FAM53B: variants seen among roughly 807,000 people sequenced by gnomAD.
The protein encoded by FAM53B is family with sequence similarity 53 member B.
In FAM53B, 12 loss-of-function variants were observed where a neutral mutation model predicts 32.7. That is an observed-to-expected ratio of 0.37 (90% confidence interval 0.24 to 0.59). FAM53B has a LOEUF of 0.59. Among genes scored for constraint, FAM53B ranks in the 20% least tolerant of loss-of-function variants. The pLI, the probability that FAM53B is intolerant of heterozygous loss-of-function variation, is 0.72. For missense variants in FAM53B, 477 were observed against 577.7 expected (o/e 0.83, Z 1.79); for synonymous variants, 234 against 228.7 (o/e 1.02, Z -0.21).
intron 1 of FAM53B, among the ~76,000 whole-genome samples, chr10:124,724,424 C>T (rs1337886059): frequency 6.6e-6 from 1 of 152,186 alleles, no homozygotes; most frequent in Non-Finnish European, 1.5e-5. Context: ...GAGCTCTGCG[C>T]ACCGGACAGC....
At position 124,623,458 on chromosome 10, in the gene FAM53B, A is replaced by G; in HGVS notation, c.1053T>C (p.Ala351=). 1.9e-6 allele frequency: 3 copies of G among 1,589,514 alleles called. No individual in the cohort carries two copies. The highest frequency in any genetic ancestry group is 2.6e-6 in the Non-Finnish European group (3 of 1,169,072). The change falls in exon 5 of 5, where the codon GCT becomes GCC. Residue 351 remains alanine (A), a synonymous_variant. Coordinates refer to ENST00000337318, the MANE Select transcript of FAM53B (RefSeq NM_014661.4). Reference sequence around the variant, plus strand: ...GAAGAGGCTCAGGGACCGGGGTCCCAGCGGGGGTCCTGCCCCCTGGGCCGG... The same window carrying G: ...GAAGAGGCTCAGGGACCGGGGTCCCGGCGGGGGTCCTGCCCCCTGGGCCGG... ...SASGPGGRTP[A]GTPVPEPLPP...
At chr10:124,659,918 C>T (rs764513949) in intron 4 of FAM53B, among the ~76,000 whole-genome samples, 3 of 152,320 alleles carry the variant, frequency 2.0e-5, no homozygotes, top group East Asian at 1.9e-4. Context: ...GCAATTCTCC[C>T]GCCTCAGCCT....
intron 4 of FAM53B, among the ~76,000 whole-genome samples, chr10:124,645,180 G>T (rs1365513563): frequency 6.6e-6 from 1 of 152,234 alleles, no homozygotes; most frequent in Non-Finnish European, 1.5e-5. Context: ...GGCCCTCCCT[G>T]GAGGCCTCAG....
chr10:124,659,463 T>C (rs1300525237), intron 4 of FAM53B, among the ~76,000 whole-genome samples: 1 of 152,218 alleles, frequency 6.6e-6, no homozygotes, highest in East Asian at 1.9e-4. Flanking sequence ...TCTAACACAT[T>C]TCTGGGTCCC....
chr10:124,720,883 T>C (rs1392124447), intron 1 of FAM53B, among the ~76,000 whole-genome samples: 1 of 152,214 alleles, frequency 6.6e-6, no homozygotes, highest in African/African-American at 2.4e-5. Flanking sequence ...AATAGCATGA[T>C]AAAATAACTG....
intron 4 of FAM53B, among the ~76,000 whole-genome samples, chr10:124,660,406 T>C (rs1324447842): frequency 6.6e-6 from 1 of 152,220 alleles, no homozygotes; most frequent in African/African-American, 2.4e-5. Context: ...GCCATTTTCA[T>C]TGTAAAAATT....
intron 3 of FAM53B, among the ~76,000 whole-genome samples, chr10:124,683,990 G>A (rs549927117): frequency 6.6e-6 from 1 of 152,258 alleles, no homozygotes; most frequent in African/African-American, 2.4e-5. Context: ...AGAAAAAGCC[G>A]AGGCAGAGCT....
intron 1 of FAM53B, among the ~76,000 whole-genome samples, chr10:124,723,846 T>G (rs1252223192): frequency 1.3e-5 from 2 of 152,218 alleles, no homozygotes; most frequent in Non-Finnish European, 2.9e-5. Flanking sequence ...GACGCTGCGC[T>G]CCTTAGAACA....
chr10:124,644,468 A>G (rs1226408676), intron 4 of FAM53B, among the ~76,000 whole-genome samples: 1 of 152,208 alleles, frequency 6.6e-6, no homozygotes, highest in East Asian at 1.9e-4. Flanking sequence ...ATTCCAGGAC[A>G]GCTCCTAGCC....
intron 2 of FAM53B, among the ~76,000 whole-genome samples, chr10:124,701,527 T>C (rs748423075): frequency 7.3e-5 from 11 of 151,706 alleles, no homozygotes; most frequent in Non-Finnish European, 1.5e-4. Flanking sequence ...CCAAGGGAGG[T>C]GGTCACTCTG....
intron 4 of FAM53B, among the ~76,000 whole-genome samples, chr10:124,662,774 C>T (rs1006676565): frequency 1.3e-4 from 20 of 152,298 alleles, no homozygotes; most frequent in African/African-American, 4.1e-4. Context: ...TAGTTAGCTA[C>T]GATCACACCA....
At chr10:124,677,445 C>T (rs889044701) in intron 4 of FAM53B, among the ~76,000 whole-genome samples, 2 of 152,258 alleles carry the variant, frequency 1.3e-5, no homozygotes, top group Non-Finnish European at 2.9e-5. Context: ...GCCGGGCTTG[C>T]GCAGGGATCG....
At chr10:124,717,892 C>T (rs1950046602) in intron 1 of FAM53B, among the ~76,000 whole-genome samples, 1 of 152,110 alleles carries the variant, frequency 6.6e-6, no homozygotes, top group Non-Finnish European at 1.5e-5. Context: ...TATGAGCTCT[C>T]GGACTCTCCC....
chr10:124,734,617 C>T (rs1043173511), intron 1 of FAM53B, among the ~76,000 whole-genome samples: 4 of 152,196 alleles, frequency 2.6e-5, no homozygotes, highest in South Asian at 2.1e-4. Context: ...CTGGAAAGGA[C>T]GCTCTAGGGC....
intron 4 of FAM53B, among the ~76,000 whole-genome samples, chr10:124,641,985 A>C (rs1342022175): frequency 1.3e-5 from 2 of 152,266 alleles, no homozygotes; most frequent in East Asian, 3.9e-4. Context: ...AAGGTCACCC[A>C]GCTGGAGAGC....
At chr10:124,631,092 T>C (rs1260951567) in intron 4 of FAM53B, among the ~76,000 whole-genome samples, 1 of 152,210 alleles carries the variant, frequency 6.6e-6, no homozygotes, top group African/African-American at 2.4e-5. Context: ...TGGCACCAGC[T>C]TGGGGCTCTC....
In FAM53B at chr10:124,682,519, A is replaced by C; in HGVS notation, c.134-140T>G. 7 of 688,634 alleles carry C rather than the reference A, an allele frequency of 1.0e-5. No individual in the cohort carries two copies. The highest frequency in any genetic ancestry group is 1.7e-5 in the Non-Finnish European group (7 of 419,338). The allele number at this position is 688,634 out of a possible 1,614,324, so 42.7% of individuals were successfully genotyped here. On this transcript the variant is annotated intron_variant, in intron 3 of 4. Coordinates refer to ENST00000337318, the MANE Select transcript of FAM53B (RefSeq NM_014661.4). The surrounding 1 kb of genome is among the most constrained non-coding windows in gnomAD (Gnocchi z 5.2). ...CTTAGAAACCATCCAGTCCAACCTCATTTTACAGATGAGAAATTGAGGCTG... is the reference window on the plus strand; with the variant it reads ...CTTAGAAACCATCCAGTCCAACCTCCTTTTACAGATGAGAAATTGAGGCTG...
At chr10:124,719,880 C>T (rs1167516331) in intron 1 of FAM53B, among the ~76,000 whole-genome samples, 2 of 152,094 alleles carry the variant, frequency 1.3e-5, no homozygotes, top group Non-Finnish European at 1.5e-5. Context: ...AAAACCAACA[C>T]GGCCGGGCAC....
At position 124,623,379 on chromosome 10, in the gene FAM53B, A is replaced by G; in HGVS notation, c.1132T>C (p.Ser378Pro). The G allele has an allele frequency of 6.2e-7, 1 of 1,612,094 alleles. No homozygotes were observed. The highest frequency in any genetic ancestry group is 8.5e-7 in the Non-Finnish European group (1 of 1,179,650). Residue 378 changes from serine to proline, a missense_variant, in exon 5 of 5, where the codon TCA becomes CCA. Ser to Pro is a moderately conservative substitution (Grantham distance 74, BLOSUM62 -1). Transcript: ENST00000337318. ...TCCTCGTCCAGGGCGCAGCTGTCTG[A>G]CTCCTCACAGGACAGGTCCTCCTGG... Reference protein sequence around the residue: ...ACQEDLSCEESDSCALDEDCG... With the variant: ...ACQEDLSCEEPDSCALDEDCG...
Sources: allele counts gnomAD v4.1 joint callset (sites outside exome capture counted in the v4.1 genomes callset), GRCh38; gene constraint gnomAD v4.1.1; non-coding constraint Gnocchi (gnomAD v3.1); transcripts MANE v1.5; gene names NCBI Gene and HGNC (gene_info 2026-07-23, HGNC 2026-07-21).